Variants in PPFIA4 observed in about 807,000 individuals in gnomAD.
The protein encoded by PPFIA4 is liprin-alpha-4.
Under a neutral mutation model 145.7 loss-of-function variants are expected in PPFIA4, and 98 were observed. That is an observed-to-expected ratio of 0.67 (90% CI 0.57 to 0.80). The LOEUF is 0.80. PPFIA4 is among the 30% of genes least tolerant of loss of function. The pLI is 0.00. For synonymous variants in PPFIA4, 628 were observed against 649.6 expected, an observed-to-expected ratio of 0.97 and a Z score of 0.51; for missense variants, 1,457 against 1,632.7, an observed-to-expected ratio of 0.89 and a Z score of 1.85.
At chr1:203,076,218 G>T in intron 29 of PPFIA4, 123 bp from the exon 30 acceptor site, 1 of 1,102,808 alleles carries the variant, frequency 9.1e-7, no homozygotes, top group Middle Eastern at 2.0e-4. Context: ...GCTTCGTCTG[G>T]CCTGGGGCGC....
In PPFIA4 at chr1:203,045,399, A is replaced by G; in HGVS notation, c.698A>G (p.Glu233Gly). The G allele has an allele frequency of 6.2e-7, 1 of 1,607,148 alleles. No homozygotes were observed. Among genetic ancestry groups the G allele is most frequent in the South Asian group, 1.1e-5 (1 of 89,712 alleles). ...EDTGRVEELQELLEKQNFELS... is the reference protein window; with the variant it reads ...EDTGRVEELQGLLEKQNFELS... ...ACGGGCCGGGTAGAGGAGCTGCAGG[A>G]GCTCCTGGAGAAGCAGAACTTTGAG... Residue 233 changes from glutamate to glycine, a missense_variant, in exon 7 of 30, where the codon GAG becomes GGG. Glu to Gly is a moderately conservative substitution (Grantham distance 98). Transcript: ENST00000295706.
At position 203,059,826 on chromosome 1, in the gene PPFIA4, G is replaced by A; in HGVS notation, c.2558G>A (p.Gly853Asp). The stretch of plus-strand genomic sequence containing the variant: ...GGAATGCCCTTTGCCCAGTGGGATG[G>A]TCCTACTGTGGTCTCCTGGTTGGAG... ...RKGMPFAQWD[G>D]PTVVSWLELW... The change falls in exon 21 of 30, where the codon GGT becomes GAT. Residue 853 changes from glycine (G) to aspartate (D), a missense_variant. Physicochemically the swap from Gly to Asp is moderately conservative, Grantham distance 94 (BLOSUM62 -1). This residue lies in a region of PPFIA4 where 848 missense variants were observed against 1,046.7 expected (regional missense o/e 0.81). Coordinates refer to ENST00000295706, the MANE Select transcript of PPFIA4 (RefSeq NM_001304331.2). The A allele has an allele frequency of 6.2e-7, 1 of 1,612,854 alleles. No homozygotes were observed. The highest frequency in any genetic ancestry group is 8.5e-7 in the Non-Finnish European group (1 of 1,179,382).
chr1:203,060,886 T>C lies in PPFIA4; in HGVS notation c.2785-84T>C. ...TTCAGAGGACTCAGGGAGGGAGCTT[T>C]GTCCTTGTCCTTTGGGCTCCCAGCC... On this transcript the variant is annotated intron_variant, in intron 22 of 29. Coordinates refer to ENST00000295706, the MANE Select transcript of PPFIA4 (RefSeq NM_001304331.2). This position sits in a 1 kb window ranked among gnomAD's most constrained non-coding sequence, Gnocchi z 4.8. The C allele has an allele frequency of 7.9e-7, 1 of 1,268,178 alleles. No individual in the cohort carries two copies. The allele number at this position is 1,268,178 out of a possible 1,614,324, so 78.6% of individuals were successfully genotyped here.
At chr1:203,054,741 G>C (rs1660792018) in intron 15 of PPFIA4, among the ~76,000 whole-genome samples, 1 of 151,580 alleles carries the variant, frequency 6.6e-6, no homozygotes, top group African/African-American at 2.4e-5. Context: ...TACAAACGTA[G>C]GACCACCAGC....
At chr1:203,039,501 C>T (rs995826459) in intron 2 of PPFIA4, among the ~76,000 whole-genome samples, 1 of 152,158 alleles carries the variant, frequency 6.6e-6, no homozygotes, top group African/African-American at 2.4e-5. Flanking sequence ...CTCAGGCGGC[C>T]AGTAGGTGGC....
Position 203,063,727 on chromosome 1 carries a change from T to A in PPFIA4, c.2875-101T>A, listed in dbSNP as rs951003316. 5.1e-6 allele frequency: 6 copies of A among 1,170,184 alleles called. No individual in the cohort carries two copies. The East Asian group carries it at 1.2e-4, about 23-fold the overall frequency. The allele number at this position is 1,170,184 out of a possible 1,614,324, so 72.5% of individuals were successfully genotyped here. On this transcript the variant is annotated intron_variant, in intron 24 of 29. Coordinates refer to ENST00000295706, the MANE Select transcript of PPFIA4 (RefSeq NM_001304331.2). ...TGGACTGCCCTTCCTCCCTCATGGGTGGAGGATGGATTCATGTGTCTCCCG... is the reference window on the plus strand; with the variant it reads ...TGGACTGCCCTTCCTCCCTCATGGGAGGAGGATGGATTCATGTGTCTCCCG...
At chr1:203,037,169 C>T in intron 1 of PPFIA4, 1 of 370,762 alleles carries the variant, frequency 2.7e-6, no homozygotes, top group Non-Finnish European at 5.6e-6. Flanking sequence ...CCTGTTTCTG[C>T]CTAGAGCATC....
rs1285176462 is a variant in PPFIA4 at position 203,063,947 on chromosome 1, C to T, written c.2994C>T (p.Asp998=). ...GCCTGGTGGACGCCCGCATGCTGGA[C>T]CACCTCACCAAGAAGGACCTGCGGG... ...MECLVDARML[D]HLTKKDLRVH... Residue 998 remains aspartate, a synonymous_variant, in exon 25 of 30, where the codon GAC becomes GAT. Coordinates refer to ENST00000295706, the MANE Select transcript of PPFIA4 (RefSeq NM_001304331.2). 1 of 1,614,024 alleles carries T rather than the reference C, an allele frequency of 6.2e-7. No individual in the cohort carries two copies. Among genetic ancestry groups the T allele is most frequent in the Non-Finnish European group, 8.5e-7 (1 of 1,179,904 alleles).
chr1:203,063,813 A>G lies in PPFIA4; in HGVS notation c.2875-15A>G, dbSNP rs1661551034. 1.9e-6 allele frequency: 3 copies of G among 1,613,590 alleles called. No homozygotes were observed. Among genetic ancestry groups the G allele is most frequent in the Non-Finnish European group, 2.5e-6 (3 of 1,179,760 alleles). On this transcript the variant is annotated splice_polypyrimidine_tract_variant and intron_variant, in intron 24 of 29. Coordinates refer to ENST00000295706, the MANE Select transcript of PPFIA4 (RefSeq NM_001304331.2). ...TTCCTCCCCCATAATAGCCTCCTGC[A>G]TCTCATTTCCCTAGACCCTGGCCTA...
chr1:203,060,306 G>T lies in PPFIA4; in HGVS notation c.2673G>T (p.Glu891Asp), dbSNP rs764298713. The T allele has an allele frequency of 3.7e-6, 6 of 1,614,102 alleles. No individual in the cohort carries two copies. In the East Asian group the frequency reaches 1.1e-4, roughly 30 times the overall value. ...TCATGTCCGCTCTGTCGGACACAGA[G>T]ATCCAGCGGGAGATCGGCATCAGCA... Reference protein sequence around the residue: ...GAIMSALSDTEIQREIGISNA... With the variant: ...GAIMSALSDTDIQREIGISNA... Residue 891 changes from glutamate to aspartate, a missense_variant, in exon 22 of 30, where the codon GAG becomes GAT. This residue lies in a region of PPFIA4 where 848 missense variants were observed against 1,046.7 expected (regional missense o/e 0.81). Transcript: ENST00000295706. This position sits in a 1 kb window ranked among gnomAD's most constrained non-coding sequence, Gnocchi z 4.8.
In PPFIA4 at chr1:203,048,361, C is replaced by T; in HGVS notation, c.1224+51C>T. On this transcript the variant is annotated intron_variant, in intron 10 of 29. Transcript: ENST00000295706. This position sits in a 1 kb window ranked among gnomAD's most constrained non-coding sequence, Gnocchi z 5.8. ...GGCCCCCTCCTTCCCGCAGGACAGG[C>T]TCCCAGGGCGGTCTGTGGAAGGGGC... 4.4e-6 allele frequency: 7 copies of T among 1,582,548 alleles called. No individual in the cohort carries two copies. Among genetic ancestry groups the T allele is most frequent in the Non-Finnish European group, 6.0e-6 (7 of 1,161,264 alleles).
At chr1:203,038,181 C>T (rs1487948594) in intron 1 of PPFIA4, among the ~76,000 whole-genome samples, 1 of 152,184 alleles carries the variant, frequency 6.6e-6, no homozygotes, top group Non-Finnish European at 1.5e-5. Flanking sequence ...TACCCATCTG[C>T]ATTTGCCTTG....
rs1452369943 is a variant in PPFIA4 at position 203,076,540 on chromosome 1, C to T, written c.*150C>T. 1 of 733,932 alleles carries T rather than the reference C, an allele frequency of 1.4e-6. No individual in the cohort carries two copies. Among genetic ancestry groups the T allele is most frequent in the Middle Eastern group, 2.4e-4 (1 of 4,106 alleles). 45.5% of individuals were successfully genotyped at this position (733,932 alleles called of 1,614,324 possible). A position where few individuals can be genotyped will look rare whatever the true frequency, so the allele number is the denominator to read the frequency against. On this transcript the variant is annotated 3_prime_UTR_variant, in exon 30 of 30. Transcript: ENST00000295706. Reference sequence around the variant, plus strand: ...GATCTCAGAATATATTCGTCCACCCCCTCGGCACCCCATTACCCCGAGTCC... The same window carrying T: ...GATCTCAGAATATATTCGTCCACCCTCTCGGCACCCCATTACCCCGAGTCC...
In PPFIA4 at chr1:203,039,186, G is replaced by A. The variant is rs747610618; in HGVS notation, c.178G>A (p.Asp60Asn). ...GGCGGCCACACAGAGCCGGCTCCAG[G>A]ATGCCATACACGAGCGGGACCAGCT... ...TLAATQSRLQ[D>N]AIHERDQLQR... Residue 60 changes from aspartate to asparagine, a missense_variant, in exon 2 of 30, where the codon GAT becomes AAT. Coordinates refer to ENST00000295706, the MANE Select transcript of PPFIA4 (RefSeq NM_001304331.2). The A allele has an allele frequency of 2.9e-5, 46 of 1,607,390 alleles. No individual in the cohort carries two copies. The highest frequency in any genetic ancestry group is 3.6e-5 in the Non-Finnish European group (42 of 1,177,514).
At chr1:203,051,476 C>T in intron 13 of PPFIA4, 2 of 641,910 alleles carry the variant, frequency 3.1e-6, no homozygotes. Context: ...TTTTTAAAAG[C>T]CACCAGTTGC....
At chr1:203,074,114 G>A (rs186368508) in intron 28 of PPFIA4, among the ~76,000 whole-genome samples, 14 of 152,268 alleles carry the variant, frequency 9.2e-5, no homozygotes, top group South Asian at 2.1e-4. Context: ...AAGGGAAGGA[G>A]GTGAGAAAAG....
At chr1:203,067,870 G>A in intron 26 of PPFIA4, 78 bp downstream of exon 26, 2 of 1,203,404 alleles carry the variant, frequency 1.7e-6, no homozygotes, top group Middle Eastern at 2.0e-4. Flanking sequence ...TGGAGGGGAG[G>A]CATTCTGTGT....
chr1:203,051,943 T>TA, intron 14 of PPFIA4, 66 bp downstream of exon 14: 2 of 1,531,702 alleles, frequency 1.3e-6, no homozygotes, highest in Non-Finnish European at 1.8e-6. Context: ...TGGCTCCAGT[T>TA]ACGCAGACGG....
At position 203,075,558 on chromosome 1, in the gene PPFIA4, G is replaced by C; in HGVS notation, c.3394-19G>C. The C allele has an allele frequency of 7.2e-7, 1 of 1,380,322 alleles. No individual in the cohort carries two copies. Among genetic ancestry groups the C allele is most frequent in the Non-Finnish European group, 9.4e-7 (1 of 1,059,024 alleles). The allele number at this position is 1,380,322 out of a possible 1,614,324, so 85.5% of individuals were successfully genotyped here. ...ATTCCAACAGGGCCCTCGGGCCTCT[G>C]GTGTCCCCCATGGTGCAGGGGGATG... is the stretch of plus-strand genomic sequence containing the variant. On this transcript the variant is annotated intron_variant, in intron 28 of 29. Coordinates refer to ENST00000295706, the MANE Select transcript of PPFIA4 (RefSeq NM_001304331.2). The surrounding 1 kb of genome is among the most constrained non-coding windows in gnomAD (Gnocchi z 4.1).
Sources: gnomAD v4.1 joint callset for allele counts (sites outside exome capture counted in the v4.1 genomes callset) on GRCh38, gnomAD v4.1.1 for gene constraint, gnomAD v4.1.1 regional missense constraint, Gnocchi (gnomAD v3.1) non-coding constraint, MANE v1.5 for transcripts, NCBI Gene and HGNC (gene_info 2026-07-23, HGNC 2026-07-21) for gene names.